PPOX: variants seen among roughly 807,000 people sequenced by gnomAD.
PPOX encodes variegate porphyria.
Under a neutral mutation model 54.1 loss-of-function variants are expected in PPOX, and 23 were observed. That is an observed-to-expected ratio of 0.43 (90% confidence interval 0.31 to 0.60). PPOX has a LOEUF of 0.60. Among genes scored for constraint, PPOX ranks in the 20% least tolerant of loss-of-function variants. The pLI is 0.13. For synonymous variants in PPOX, 224 were observed against 236.1 expected, an observed-to-expected ratio of 0.95 and a Z score of 0.47; for missense variants, 512 against 601.1, an observed-to-expected ratio of 0.85 and a Z score of 1.55.
chr1:161,171,074 G>A lies in PPOX; in HGVS notation c.1332G>A (p.Leu444=), dbSNP rs895968441. ...TCCTGACTGCTCACAGGTTGCCCCT[G>A]ACTCTGGCTGGAGCCTCCTATGAGG... ...RQFLTAHRLP[L]TLAGASYEGV... The change falls in exon 13 of 13, where the codon CTG becomes CTA. Residue 444 remains leucine (L), a synonymous_variant. Transcript: ENST00000367999. 1 of 1,614,174 alleles carries A rather than the reference G, an allele frequency of 6.2e-7. No individual in the cohort carries two copies. The highest frequency in any genetic ancestry group is 1.3e-5 in the African/African-American group (1 of 75,048).
Position 161,168,079 on chromosome 1 carries a change from G to T in PPOX, c.423G>T (p.Glu141Asp). ...AGCTGACCAAGCCCCGGGGCAAAGAGCCTGATGAGACTGTGCACAGTTTTG... is the reference window on the plus strand; with the variant it reads ...AGCTGACCAAGCCCCGGGGCAAAGATCCTGATGAGACTGTGCACAGTTTTG... ...LRELTKPRGKEPDETVHSFAQ... is the reference protein window; with the variant it reads ...LRELTKPRGKDPDETVHSFAQ... The change falls in exon 5 of 13, where the codon GAG becomes GAT. Residue 141 changes from glutamate (E) to aspartate (D), a missense_variant. Coordinates refer to ENST00000367999, the MANE Select transcript of PPOX (RefSeq NM_001122764.3). 6.2e-7 allele frequency: 1 copy of T among 1,614,166 alleles called. No individual in the cohort carries two copies. The highest frequency in any genetic ancestry group is 8.5e-7 in the Non-Finnish European group (1 of 1,180,028).
chr1:161,167,629 A>C (rs1202457971), intron 4 of PPOX, 143 bp downstream of exon 4: 6 of 1,165,014 alleles, frequency 5.2e-6, no homozygotes, highest in Non-Finnish European at 6.9e-6. Flanking sequence ...CAATGGCGCG[A>C]TCTTGGCTCA....
chr1:161,173,637 G>A, downstream of PPOX: 2 of 1,614,138 alleles, frequency 1.2e-6, no homozygotes, highest in South Asian at 1.1e-5. Flanking sequence ...CACCACCCCA[G>A]CCCCAGTATT....
chr1:161,173,171 T>C (rs1360519018), downstream of PPOX, among the ~76,000 whole-genome samples: 1 of 152,196 alleles, frequency 6.6e-6, no homozygotes, highest in East Asian at 1.9e-4. Flanking sequence ...AGGCTGAAGG[T>C]CAGAATGTTT....
chr1:161,171,813 G>A (rs1207934924), downstream of PPOX: 39 of 1,613,774 alleles, frequency 2.4e-5, no homozygotes, highest in Non-Finnish European at 3.0e-5. Flanking sequence ...CAGGAAGGAG[G>A]AGTCAGTGTG....
intron 11 of PPOX, 51 bp downstream of exon 11, chr1:161,170,820 G>A: frequency 1.9e-6 from 3 of 1,613,972 alleles, no homozygotes; most frequent in Non-Finnish European, 2.5e-6. Context: ...CTTGAAGACA[G>A]AGACTGGAAC....
chr1:161,176,591 G>T, intron 4 of PPOX: 1 of 524,954 alleles, frequency 1.9e-6, no homozygotes, highest in Non-Finnish European at 3.4e-6. Context: ...TGGAACAGAA[G>T]TGGTAAAGGA....
intron 5 of PPOX, 46 bp from the exon 6 acceptor site, chr1:161,168,386 A>C: frequency 6.2e-7 from 1 of 1,613,450 alleles, no homozygotes; most frequent in Non-Finnish European, 8.5e-7. Flanking sequence ...GAAATCAGTC[A>C]GTGTAGATTA....
At chr1:161,167,009 T>C in intron 2 of PPOX, 75 bp downstream of exon 2, 1 of 1,610,966 alleles carries the variant, frequency 6.2e-7, no homozygotes, top group South Asian at 1.1e-5. Context: ...AGATGGATCC[T>C]GGCCCTCTGA....
chr1:161,171,430 A>C, downstream of PPOX: 2 of 631,592 alleles, frequency 3.2e-6, no homozygotes, highest in South Asian at 3.9e-5. Context: ...CCTTCACCAA[A>C]CAACTTCCCG....
At chr1:161,177,276 A>G (rs1308483353), downstream of PPOX, 3 of 587,262 alleles carry the variant, frequency 5.1e-6, no homozygotes, top group Non-Finnish European at 9.0e-6. Flanking sequence ...TAGCAACGTG[A>G]GCCCGCCCGG....
intron 1 of PPOX, 54 bp downstream of exon 1, chr1:161,166,726 A>C: frequency 6.5e-7 from 1 of 1,548,308 alleles, no homozygotes; most frequent in Non-Finnish European, 8.7e-7. Context: ...CCATCCGTGC[A>C]CACTTAGTTT....
At chr1:161,171,922 G>C (rs146478151), downstream of PPOX, 572 of 1,614,178 alleles carry the variant, frequency 3.5e-4, 2 homozygotes, top group Middle Eastern at 4.9e-4. Flanking sequence ...GGAGGAACCA[G>C]GTGGGTAACG....
At chr1:161,166,055 C>G, upstream of PPOX, 1 of 977,338 alleles carries the variant, frequency 1.0e-6, no homozygotes, top group Non-Finnish European at 1.2e-6. Flanking sequence ...TTGCTAACAT[C>G]AAGGAGCTGT....
chr1:161,173,533 T>C, downstream of PPOX: 1 of 1,605,206 alleles, frequency 6.2e-7, no homozygotes, highest in Non-Finnish European at 8.5e-7. Context: ...TGAAGGGCTA[T>C]GGTCAAAGGT....
chr1:161,168,918 C>T (rs1180825654), intron 6 of PPOX, 75 bp from the exon 7 acceptor site: 1 of 1,564,518 alleles, frequency 6.4e-7, no homozygotes, highest in Non-Finnish European at 8.7e-7. Flanking sequence ...CCCGCCTCGG[C>T]CTCCTAAAGT....
At chr1:161,175,992 C>G, downstream of PPOX, 1 of 1,614,084 alleles carries the variant, frequency 6.2e-7, no homozygotes, top group Non-Finnish European at 8.5e-7. Flanking sequence ...ACAGGTACAT[C>G]ATGACAGCCA....
intron 4 of PPOX, chr1:161,176,283 C>T (rs1449201387): frequency 4.8e-6 from 3 of 620,650 alleles, no homozygotes; most frequent in African/African-American, 3.7e-5. Flanking sequence ...GCCCAAGTTT[C>T]GCTCTCCTCT....
intron 9 of PPOX, 161 bp downstream of exon 9, chr1:161,170,185 T>C (rs1326045187): frequency 1.0e-6 from 1 of 963,382 alleles, no homozygotes; most frequent in Non-Finnish European, 1.6e-6. Context: ...ATTAGCCAGG[T>C]GTGGTGGCTT....
Sources: allele counts gnomAD v4.1 joint callset (sites outside exome capture counted in the v4.1 genomes callset), GRCh38; gene constraint gnomAD v4.1.1; transcripts MANE v1.5; gene names NCBI Gene and HGNC (gene_info 2026-07-23, HGNC 2026-07-21).